The following LVRN variants were observed in gnomAD, a reference collection of about 807,000 sequenced individuals.
LVRN encodes laeverin.
A neutral mutation model predicts 111.4 loss-of-function variants in LVRN; 99 were observed. That is an observed-to-expected ratio of 0.89 (90% CI 0.76 to 1.05). The LOEUF is 1.05. Ranked by LOEUF, LVRN falls within the 50% of genes least tolerant of loss-of-function variation. The pLI is 0.00. For missense variants in LVRN, 1,414 were observed against 1,206.8 expected, an observed-to-expected ratio of 1.17 and a Z score of -2.54; for synonymous variants, 488 against 449.5, an observed-to-expected ratio of 1.09 and a Z score of -1.08.
chr5:115,978,057 G>A (rs1753484359), intron 1 of LVRN, among the ~76,000 whole-genome samples: 2 of 152,320 alleles, frequency 1.3e-5, no homozygotes, highest in East Asian at 3.9e-4. Flanking sequence ...ATTTGTGCAG[G>A]TTTAGACAGA....
intron 7 of LVRN, among the ~76,000 whole-genome samples, chr5:116,000,151 C>A (rs1222244171): frequency 2.0e-5 from 3 of 152,088 alleles, no homozygotes; most frequent in Admixed American, 1.3e-4. Flanking sequence ...TAAGGTGAAC[C>A]CTTTTGCTTG....
intron 4 of LVRN, among the ~76,000 whole-genome samples, chr5:115,990,576 T>C (rs1043643914): frequency 6.6e-6 from 1 of 152,176 alleles, no homozygotes; most frequent in Non-Finnish European, 1.5e-5. Context: ...TTTATTTTTA[T>C]GTATTCATTT....
Position 115,988,766 on chromosome 5 carries a change from C to T in LVRN, c.1105+827C>T, listed in dbSNP as rs145689736. On this transcript the variant is annotated intron_variant, in intron 4 of 19. Coordinates refer to ENST00000357872, the MANE Select transcript of LVRN (RefSeq NM_173800.5). ...GGAATGAAGGGATGGAAACCAGCCTCGGCCCATTCAGAAATCCTGGAGGAA... is the reference window on the plus strand; with the variant it reads ...GGAATGAAGGGATGGAAACCAGCCTTGGCCCATTCAGAAATCCTGGAGGAA... 4.1e-3 allele frequency among the ~76,000 whole-genome samples: 619 copies of T among 152,158 alleles called. 6 individuals carry two copies. The highest frequency in any genetic ancestry group is 0.014 in the African/African-American group (561 of 41,506).
chr5:116,019,006 A>T (rs1012060598), intron 18 of LVRN, among the ~76,000 whole-genome samples: 2 of 152,142 alleles, frequency 1.3e-5, no homozygotes, highest in African/African-American at 4.8e-5. Flanking sequence ...TAACAACAGG[A>T]ATACATTCTG....
intron 6 of LVRN, among the ~76,000 whole-genome samples, chr5:115,994,314 C>T (rs1274529103): frequency 6.6e-6 from 1 of 152,026 alleles, no homozygotes; most frequent in African/African-American, 2.4e-5. Flanking sequence ...GCTCTGTCAC[C>T]CAAACTGGAG....
chr5:115,979,621 A>T (rs1351975512), intron 1 of LVRN, among the ~76,000 whole-genome samples: 1 of 152,130 alleles, frequency 6.6e-6, no homozygotes, highest in Non-Finnish European at 1.5e-5. Context: ...TATATCTATT[A>T]TGTTTTGTTG....
chr5:115,969,324 A>G (rs868039818), intron 1 of LVRN, among the ~76,000 whole-genome samples: 1 of 151,736 alleles, frequency 6.6e-6, no homozygotes, highest in African/African-American at 2.4e-5. Flanking sequence ...CCAATTACCT[A>G]TTAGGCTGCC....
At chr5:115,975,200 C>A in intron 1 of LVRN, 1 of 481,386 alleles carries the variant, frequency 2.1e-6, no homozygotes, top group Non-Finnish European at 4.1e-6. Flanking sequence ...TCTGGGCGCA[C>A]ATCTAACAAA....
chr5:116,019,261 G>A (rs1241545735), intron 18 of LVRN, among the ~76,000 whole-genome samples: 1 of 152,246 alleles, frequency 6.6e-6, no homozygotes, highest in Non-Finnish European at 1.5e-5. Flanking sequence ...GTGCTACAAT[G>A]TTACAATGAC....
intron 6 of LVRN, among the ~76,000 whole-genome samples, chr5:115,998,513 A>G (rs1318582432): frequency 6.6e-6 from 1 of 152,182 alleles, no homozygotes; most frequent in African/African-American, 2.4e-5. Flanking sequence ...GTGCGATATT[A>G]TGGGTGATTT....
At chr5:116,013,852 C>G (rs1433223450) in intron 15 of LVRN, among the ~76,000 whole-genome samples, 1 of 152,108 alleles carries the variant, frequency 6.6e-6, no homozygotes, top group Admixed American at 6.6e-5. Context: ...AGTGTACACC[C>G]CTGCTCAGCT....
In LVRN at chr5:115,962,741, C is replaced by G; in HGVS notation, c.124C>G (p.Arg42Gly). Residue 42 changes from arginine to glycine, a missense_variant, in exon 1 of 20, where the codon CGC becomes GGC. Physicochemically the swap from Arg to Gly is moderately radical, Grantham distance 125. Coordinates refer to ENST00000357872, the MANE Select transcript of LVRN (RefSeq NM_173800.5). The part of the protein sequence containing the change: ...VLAALYGHCE[R>G]VPPSELPGLR... Reference sequence around the variant, plus strand: ...CGCCGCCTTGTACGGCCACTGCGAGCGCGTCCCACCGTCGGAGCTGCCTGG... The same window carrying G: ...CGCCGCCTTGTACGGCCACTGCGAGGGCGTCCCACCGTCGGAGCTGCCTGG... 1 of 1,612,104 alleles carries G rather than the reference C, an allele frequency of 6.2e-7. No individual in the cohort carries two copies. The highest frequency in any genetic ancestry group is 8.5e-7 in the Non-Finnish European group (1 of 1,179,532).
intron 18 of LVRN, among the ~76,000 whole-genome samples, chr5:116,019,319 G>A (rs1367031447): frequency 6.6e-6 from 1 of 152,154 alleles, no homozygotes; most frequent in African/African-American, 2.4e-5. Flanking sequence ...TTTTAATCTT[G>A]TAGGACCTCC....
intron 5 of LVRN, among the ~76,000 whole-genome samples, chr5:115,992,657 G>C (rs1748022295): frequency 6.6e-6 from 1 of 152,182 alleles, no homozygotes; most frequent in African/African-American, 2.4e-5. Context: ...TCAGCAGATT[G>C]TTATAAATTT....
rs372264254 is a variant in LVRN, at chr5:116,026,020, A to G, written c.2875A>G (p.Ile959Val). 5.0e-6 allele frequency: 8 copies of G among 1,613,808 alleles called. No homozygotes were observed. The highest frequency in any genetic ancestry group is 6.8e-6 in the Non-Finnish European group (8 of 1,179,878). ...TAACATGTTGGAGGAACACCAGAGG[A>G]TCAGAGTTCATGCCAACTTACAGAC... The part of the protein sequence containing the change: ...FSNMLEEHQR[I>V]RVHANLQTIK... Residue 959 changes from isoleucine (I) to valine (V), a missense_variant, in exon 20 of 20, where the codon ATC becomes GTC. By Grantham distance (29) the Ile-to-Val change is conservative. Coordinates refer to ENST00000357872, the MANE Select transcript of LVRN (RefSeq NM_173800.5).
chr5:115,974,447 G>T (rs1383895453), intron 1 of LVRN: 1 of 152,198 alleles, frequency 6.6e-6, no homozygotes, highest in Non-Finnish European at 1.5e-5. Context: ...GCAGGCATTT[G>T]AAACTATATA....
chr5:115,968,280 TGA>T (rs1753244966), intron 1 of LVRN, among the ~76,000 whole-genome samples: 1 of 151,752 alleles, frequency 6.6e-6, no homozygotes, highest in African/African-American at 2.4e-5. Flanking sequence ...TATTTTTTTC[TGA>T]GAGTTTCTTT....
In LVRN at chr5:115,993,741, T is replaced by C. The variant is rs372959461; in HGVS notation, c.1261T>C (p.Trp421Arg). The change falls in exon 6 of 20, where the codon TGG becomes CGG. Residue 421 changes from tryptophan (W) to arginine (R), a missense_variant and splice_region_variant. Coordinates refer to ENST00000357872, the MANE Select transcript of LVRN (RefSeq NM_173800.5). ...CTTTTTTTCTTCTCATTTCCAAAAGTGGTTTGGAAACTTGGTTACCATGAA... is the reference window on the plus strand; with the variant it reads ...CTTTTTTTCTTCTCATTTCCAAAAGCGGTTTGGAAACTTGGTTACCATGAA... ...YVVSHEIGHQWFGNLVTMNWW... is the reference protein window; with the variant it reads ...YVVSHEIGHQRFGNLVTMNWW... 3 of 1,588,164 alleles carry C rather than the reference T, an allele frequency of 1.9e-6. No homozygotes were observed. The highest frequency in any genetic ancestry group is 1.4e-5 in the African/African-American group (1 of 73,864).
rs1287568302 is a variant in LVRN at position 115,963,222 on chromosome 5, A to G, written c.605A>G (p.Tyr202Cys). 3 of 1,612,714 alleles carry G rather than the reference A, an allele frequency of 1.9e-6. No individual in the cohort carries two copies. Among genetic ancestry groups the G allele is most frequent in the Non-Finnish European group, 2.5e-6 (3 of 1,179,890 alleles). ...GAGCCCCTGAAACCTGGTAGCAGCT[A>G]CGAGCTGCAGCTTAGCTTCTCGGGC... is the stretch of plus-strand genomic sequence containing the variant. The part of the protein sequence containing the change: ...LSEPLKPGSS[Y>C]ELQLSFSGLV... Residue 202 changes from tyrosine to cysteine, a missense_variant, in exon 1 of 20, where the codon TAC becomes TGC. Tyr to Cys is a radical substitution (Grantham distance 194). Coordinates refer to ENST00000357872, the MANE Select transcript of LVRN (RefSeq NM_173800.5).
Sources: allele counts gnomAD v4.1 joint callset (sites outside exome capture counted in the v4.1 genomes callset), GRCh38; gene constraint gnomAD v4.1.1; transcripts MANE v1.5; gene names NCBI Gene and HGNC (gene_info 2026-07-23, HGNC 2026-07-21).